The following ACAA2 variants were observed in gnomAD, a reference collection of about 807,000 sequenced individuals.
The protein encoded by ACAA2 is 3-ketoacyl-CoA thiolase, mitochondrial.
ACAA2 carries 35 observed loss-of-function variants against 44.8 expected under a neutral mutation model. That is an observed-to-expected ratio of 0.78 (90% CI 0.60 to 1.04). The LOEUF (loss-of-function observed/expected upper bound fraction) is 1.04, where lower values mean the gene tolerates loss of function less well. ACAA2 is among the 50% of genes least tolerant of loss of function. The probability of loss-of-function intolerance (pLI) is 0.00; values close to 1 mark genes in which losing one functional copy is unlikely to be tolerated. For synonymous variants in ACAA2, 142 were observed against 166.5 expected (o/e 0.85, Z 1.13); for missense variants, 468 against 482.6 (o/e 0.97, Z 0.28).
chr18:49,802,266 A>G (rs1340288877), intron 2 of ACAA2, among the ~76,000 whole-genome samples: 1 of 152,222 alleles, frequency 6.6e-6, no homozygotes, highest in East Asian at 1.9e-4. Context: ...ACAAACGTAT[A>G]AAGTCTGTAA....
At chr18:49,791,747 G>T in intron 6 of ACAA2, 148 bp from the exon 7 acceptor site, 1 of 739,758 alleles carries the variant, frequency 1.4e-6, no homozygotes, top group Non-Finnish European at 2.1e-6. Flanking sequence ...TGGTACTGTG[G>T]TGGATGAAGG....
intron 7 of ACAA2, 72 bp from the exon 8 acceptor site, chr18:49,787,433 T>C: frequency 1.8e-6 from 2 of 1,106,330 alleles, no homozygotes; most frequent in Non-Finnish European, 2.4e-6. Context: ...ATCAAGCTTC[T>C]CCTTCTTTCC....
At chr18:49,786,885 T>G (rs1317628508) in intron 8 of ACAA2, among the ~76,000 whole-genome samples, 2 of 152,220 alleles carry the variant, frequency 1.3e-5, no homozygotes, top group Non-Finnish European at 2.9e-5. Flanking sequence ...GGGCTCTATC[T>G]GGCGAGAAGG....
chr18:49,796,118 C>A (rs755415359), intron 3 of ACAA2, among the ~76,000 whole-genome samples: 2 of 152,110 alleles, frequency 1.3e-5, no homozygotes, highest in Non-Finnish European at 2.9e-5. Context: ...GTAACAGGCC[C>A]TACCTACATG....
chr18:49,811,407 A>G (rs1186845057), intron 1 of ACAA2: 2 of 152,192 alleles, frequency 1.3e-5, no homozygotes, highest in African/African-American at 4.8e-5. Flanking sequence ...TTGAAAAAAT[A>G]CACAAACATT....
In ACAA2 at chr18:49,797,586, TGAA is replaced by T. The variant is rs775692005; in HGVS notation, c.189_191del (p.Ser64del). 5.2e-5 allele frequency: 83 copies of T among 1,606,618 alleles called. No homozygotes were observed. The highest frequency in any genetic ancestry group is 4.1e-4 in the Admixed American group (24 of 58,446). The stretch of plus-strand genomic sequence containing the variant: ...CATGCCTTGCCAAATATATAGCATC[TGAA>T]GAACTCTAGAAGAGAGAAGGAAAAG... On this transcript the variant is annotated inframe_deletion, in exon 3 of 10. Transcript: ENST00000285093.
chr18:49,793,992 G>A (rs2023435981), intron 5 of ACAA2, among the ~76,000 whole-genome samples: 1 of 152,114 alleles, frequency 6.6e-6, no homozygotes, highest in African/African-American at 2.4e-5. Flanking sequence ...TCCTCATCAT[G>A]TTCTACTGAC....
chr18:49,796,029 A>T (rs2023461209), intron 3 of ACAA2, 148 bp from the exon 4 acceptor site: 2 of 554,502 alleles, frequency 3.6e-6, no homozygotes, highest in Non-Finnish European at 3.2e-6. Flanking sequence ...TTTTAAAGTA[A>T]CTGTAAAGCA....
Position 49,792,272 on chromosome 18 carries a change from C to G in ACAA2, c.633G>C (p.Lys211Asn). 6.2e-7 allele frequency: 1 copy of G among 1,613,896 alleles called. No individual in the cohort carries two copies. The change falls in exon 6 of 10, where the codon AAG (lysine) becomes AAC (asparagine). Residue 211 changes from lysine (K) to asparagine (N), a missense_variant. Physicochemically the swap from Lys to Asn is moderately conservative, Grantham distance 94 (BLOSUM62 0). Coordinates refer to ENST00000285093, the MANE Select transcript of ACAA2 (RefSeq NM_006111.3). ...CTACCTGCATTGTCTGTTTTCCTTT[C>G]TTTGTCTTCACTTCAATTGGTGCCA... ...DEMAPIEVKT[K>N]KGKQTMQVDE... is the part of the protein sequence containing the mutation.
chr18:49,801,812 A>ATC (rs1555790827), intron 2 of ACAA2, among the ~76,000 whole-genome samples: 14 of 143,312 alleles, frequency 9.8e-5, no homozygotes, highest in South Asian at 4.5e-4. Context: ...ATATATATAT[A>ATC]TATCTTATCT....
intron 5 of ACAA2, among the ~76,000 whole-genome samples, chr18:49,793,631 A>G (rs1337707744): frequency 1.3e-5 from 2 of 152,238 alleles, no homozygotes; most frequent in Non-Finnish European, 1.5e-5. Flanking sequence ...ATATTCCTAA[A>G]TAAGAGTTTC....
intron 1 of ACAA2, among the ~76,000 whole-genome samples, chr18:49,809,024 C>T (rs2023639787): frequency 6.6e-6 from 1 of 152,088 alleles, no homozygotes. Flanking sequence ...TTATAGACCT[C>T]CCCCCAGGAA....
chr18:49,807,582 A>G (rs566026211), intron 1 of ACAA2, among the ~76,000 whole-genome samples: 4 of 152,144 alleles, frequency 2.6e-5, no homozygotes, highest in Non-Finnish European at 5.9e-5. Context: ...CTATAATCCC[A>G]GCATTTTGGA....
At chr18:49,799,876 T>C (rs1172977424) in intron 2 of ACAA2, among the ~76,000 whole-genome samples, 3 of 89,742 alleles carry the variant, frequency 3.3e-5, no homozygotes, top group African/African-American at 1.3e-4. Flanking sequence ...CGCGACCCCA[T>C]CTGGGAGGTG....
intron 3 of ACAA2, among the ~76,000 whole-genome samples, chr18:49,796,364 C>T (rs1434735802): frequency 6.6e-6 from 1 of 152,150 alleles, no homozygotes; most frequent in Non-Finnish European, 1.5e-5. Flanking sequence ...CACTGTTTGC[C>T]TTTCTCAGAA....
intron 1 of ACAA2, among the ~76,000 whole-genome samples, chr18:49,804,919 T>A (rs528041830): frequency 5.9e-5 from 9 of 152,334 alleles, no homozygotes; most frequent in African/African-American, 2.2e-4. Context: ...GCATCAGTTA[T>A]AGCCATTTCA....
At chr18:49,798,744 A>G (rs1012539959) in intron 2 of ACAA2, among the ~76,000 whole-genome samples, 1 of 152,172 alleles carries the variant, frequency 6.6e-6, no homozygotes, top group African/African-American at 2.4e-5. Flanking sequence ...TACTAACTAA[A>G]TGTTTCATCT....
At chr18:49,799,561 G>A (rs1423293783) in intron 2 of ACAA2, among the ~76,000 whole-genome samples, 3 of 152,090 alleles carry the variant, frequency 2.0e-5, no homozygotes, top group East Asian at 3.9e-4. Flanking sequence ...ATCTCTGCTC[G>A]CTACAACCTC....
chr18:49,791,013 C>A (rs894777572), intron 7 of ACAA2, among the ~76,000 whole-genome samples: 2 of 152,190 alleles, frequency 1.3e-5, no homozygotes, highest in Non-Finnish European at 2.9e-5. Context: ...ACAAAGAAGT[C>A]TCCCTTACTG....
Sources: gnomAD v4.1 joint callset for allele counts (sites outside exome capture counted in the v4.1 genomes callset) on GRCh38, gnomAD v4.1.1 for gene constraint, MANE v1.5 for transcripts, NCBI Gene and HGNC (gene_info 2026-07-23, HGNC 2026-07-21) for gene names.